CCDC38: variants seen among roughly 807,000 people sequenced by gnomAD.
CCDC38 encodes the protein coiled-coil domain containing 38.
CCDC38 carries 69 observed loss-of-function variants against 72.8 expected under a neutral mutation model. That is an observed-to-expected ratio of 0.95 (90% CI 0.78 to 1.16). The LOEUF (loss-of-function observed/expected upper bound fraction) is 1.16, where lower values mean the gene tolerates loss of function less well. Among genes scored for constraint, CCDC38 ranks in the 50% most tolerant of loss-of-function variants. The pLI is 0.00. For synonymous variants in CCDC38, 201 were observed against 213.2 expected (o/e 0.94, Z 0.50); for missense variants, 626 against 638.9 (o/e 0.98, Z 0.22).
In CCDC38 at chr12:95,878,332, T is replaced by G; in HGVS notation, c.1157A>C (p.Glu386Ala). The change falls in exon 13 of 16, where the codon GAG becomes GCG. Residue 386 changes from glutamate (E) to alanine (A), a missense_variant. Glu to Ala is a moderately radical substitution (Grantham distance 107). Coordinates refer to ENST00000344280, the MANE Select transcript of CCDC38 (RefSeq NM_182496.3). ...VIQDKTNSNI[E>A]FLLEQEKMLK... ...CATTTTTTCTTGCTCCAAAAGAAACTCTATGTTGCTATTTCTATTACAAAA... is the reference window on the plus strand; with the variant it reads ...CATTTTTTCTTGCTCCAAAAGAAACGCTATGTTGCTATTTCTATTACAAAA... 6.2e-7 allele frequency: 1 copy of G among 1,612,014 alleles called. No individual in the cohort carries two copies. Among genetic ancestry groups the G allele is most frequent in the African/African-American group, 1.3e-5 (1 of 74,874 alleles).
intron 10 of CCDC38, among the ~76,000 whole-genome samples, chr12:95,888,143 T>G (rs76477676): frequency 0.012 from 1,776 of 152,300 alleles, 32 homozygotes; most frequent in African/African-American, 0.041. Context: ...GAATTTTGAA[T>G]CACATGGTGA....
intron 11 of CCDC38, 106 bp downstream of exon 11, chr12:95,881,379 G>A: frequency 1.3e-6 from 1 of 792,228 alleles, no homozygotes; most frequent in Non-Finnish European, 2.0e-6. Context: ...TTTCTGGAAG[G>A]TTTGTGCAAT....
chr12:95,899,852 C>T (rs754069029), intron 5 of CCDC38, among the ~76,000 whole-genome samples: 1 of 152,038 alleles, frequency 6.6e-6, no homozygotes, highest in Non-Finnish European at 1.5e-5. Context: ...AACATAAATG[C>T]TTGTATGGAG....
chr12:95,887,636 G>T (rs527683103), intron 10 of CCDC38, among the ~76,000 whole-genome samples: 26 of 152,284 alleles, frequency 1.7e-4, no homozygotes, highest in South Asian at 8.3e-4. Flanking sequence ...GCTCTGAAAG[G>T]GCAACATGAA....
chr12:95,940,112 G>T (rs2080433056), intron 1 of CCDC38, among the ~76,000 whole-genome samples: 1 of 152,124 alleles, frequency 6.6e-6, no homozygotes, highest in South Asian at 2.1e-4. Flanking sequence ...TTTCAAACTA[G>T]ATATTGTCCA....
rs183744395 is a variant in CCDC38 at position 95,881,910 on chromosome 12, T to A, written c.921-356A>T. ...CTCATCCTTTTGTCCTTTTAATGCATTCTTCTTGAGAATCTGAATGTGCTC... is the reference window on the plus strand; with the variant it reads ...CTCATCCTTTTGTCCTTTTAATGCAATCTTCTTGAGAATCTGAATGTGCTC... On this transcript the variant is annotated intron_variant, in intron 10 of 15. Coordinates refer to ENST00000344280, the MANE Select transcript of CCDC38 (RefSeq NM_182496.3). Among the ~76,000 whole-genome samples, 262 of 152,354 alleles carry A rather than the reference T, an allele frequency of 1.7e-3. 1 individual carries two copies. Among genetic ancestry groups the A allele is most frequent in the African/African-American group, 6.0e-3 (248 of 41,590 alleles).
intron 10 of CCDC38, among the ~76,000 whole-genome samples, chr12:95,882,220 T>G (rs1264087923): frequency 6.6e-6 from 1 of 152,164 alleles, no homozygotes; most frequent in African/African-American, 2.4e-5. Flanking sequence ...ATCTAGGTCA[T>G]TAACACTTTC....
At chr12:95,936,619 T>C (rs2080397393) in intron 1 of CCDC38, 96 bp from the exon 2 acceptor site, 2 of 937,938 alleles carry the variant, frequency 2.1e-6, no homozygotes, top group East Asian at 2.6e-5. Flanking sequence ...ACAGTCCTTA[T>C]GGCTTTTAAA....
chr12:95,885,437 G>A (rs2079748552), intron 10 of CCDC38: 1 of 179,724 alleles, frequency 5.6e-6, no homozygotes, highest in African/African-American at 2.4e-5. Flanking sequence ...ATACACCTGG[G>A]AGATAACTGT....
rs1345783724 is a variant in CCDC38, at chr12:95,939,171, A to G, written c.-14-2648T>C. ...TGGCCTCAGTTGCATAGTATGTGCT[A>G]TGGGAGTGTAAGCACATGGAGAGGT... On this transcript the variant is annotated intron_variant, in intron 1 of 15. Transcript: ENST00000344280. Among the ~76,000 whole-genome samples the G allele has an allele frequency of 3.9e-5, 6 of 152,168 alleles. No individual in the cohort carries two copies. In the East Asian group the frequency reaches 1.2e-3, roughly 29 times the overall value.
chr12:95,893,424 T>TCCCA (rs2079851048), intron 8 of CCDC38, among the ~76,000 whole-genome samples: 1 of 53,770 alleles, frequency 1.9e-5, no homozygotes, highest in African/African-American at 8.2e-5. Flanking sequence ...CCTCCCTCCC[T>TCCCA]CCCTCCCTCC....
At chr12:95,880,025 A>G (rs2121427871) in intron 11 of CCDC38, 2 of 301,628 alleles carry the variant, frequency 6.6e-6, no homozygotes, top group East Asian at 5.2e-5. Context: ...GGGATGGGGA[A>G]GAAAAAAGGA....
chr12:95,918,384 C>T (rs1172574670), intron 3 of CCDC38, among the ~76,000 whole-genome samples: 1 of 152,152 alleles, frequency 6.6e-6, no homozygotes, highest in Non-Finnish European at 1.5e-5. Context: ...ATCTCCTCAC[C>T]ACTAACAGCC....
chr12:95,891,002 CT>C lies in CCDC38; in HGVS notation c.773-73del, dbSNP rs1226887912. 85 of 825,554 alleles carry C rather than the reference CT, an allele frequency of 1.0e-4. No individual in the cohort carries two copies. In the African/African-American group the frequency reaches 1.3e-3, roughly 13 times the overall value. 51.1% of individuals were successfully genotyped at this position (825,554 alleles called of 1,614,324 possible). A position where few individuals can be genotyped will look rare whatever the true frequency, so the allele number is the denominator to read the frequency against. ...AAAAAAACACTGCTGAGAAAGAGAGCTTTGTCTCAGGGTGAAGATAGAGTTA... is the reference window on the plus strand; with the variant it reads ...AAAAAAACACTGCTGAGAAAGAGAGCTTGTCTCAGGGTGAAGATAGAGTTA... On this transcript the variant is annotated intron_variant, in intron 8 of 15. Coordinates refer to ENST00000344280, the MANE Select transcript of CCDC38 (RefSeq NM_182496.3).
intron 10 of CCDC38, among the ~76,000 whole-genome samples, chr12:95,882,289 T>C (rs887042007): frequency 2.0e-5 from 3 of 151,960 alleles, no homozygotes; most frequent in Admixed American, 6.6e-5. Flanking sequence ...GAGGAGAATT[T>C]AGAGATATAT....
chr12:95,868,257 C>T (rs1000034142), intron 15 of CCDC38, among the ~76,000 whole-genome samples: 11 of 152,088 alleles, frequency 7.2e-5, no homozygotes, highest in African/African-American at 2.7e-4. Flanking sequence ...ATTCACTACA[C>T]ATCAAGTATC....
intron 10 of CCDC38, chr12:95,885,889 A>G (rs1437890891): frequency 1.3e-5 from 2 of 152,220 alleles, no homozygotes; most frequent in African/African-American, 4.8e-5. Flanking sequence ...CTATGGTTGT[A>G]TCTGTCCAAA....
Position 95,888,474 on chromosome 12 carries a change from C to G in CCDC38, c.904G>C (p.Glu302Gln), listed in dbSNP as rs760076231. The change falls in exon 10 of 16, where the codon GAG becomes CAG. Residue 302 changes from glutamate (E) to glutamine (Q), a missense_variant. By Grantham distance (29) the Glu-to-Gln change is conservative. Transcript: ENST00000344280. ...ATACTGTACTTTGATTTCTTTTTCT[C>G]TGGAGTGCGAGTCAGGCTTCTGCTT... Reference protein sequence around the residue: ...KPSRSLTRTPEKKKSNLAESF... With the variant: ...KPSRSLTRTPQKKKSNLAESF... 1.9e-6 allele frequency: 3 copies of G among 1,613,924 alleles called. No individual in the cohort carries two copies. Among genetic ancestry groups the G allele is most frequent in the South Asian group, 2.2e-5 (2 of 91,084 alleles).
At chr12:95,915,576 G>T (rs563688293) in intron 4 of CCDC38, among the ~76,000 whole-genome samples, 2 of 152,184 alleles carry the variant, frequency 1.3e-5, no homozygotes, top group South Asian at 2.1e-4. Flanking sequence ...GCGTGTGGTT[G>T]CTTGCTCATT....
Sources: gnomAD v4.1 joint callset for allele counts (sites outside exome capture counted in the v4.1 genomes callset) on GRCh38, gnomAD v4.1.1 for gene constraint, MANE v1.5 for transcripts, NCBI Gene and HGNC (gene_info 2026-07-23, HGNC 2026-07-21) for gene names.